LRMDA: variants seen among roughly 807,000 people sequenced by gnomAD.
LRMDA encodes the protein leucine rich melanocyte differentiation associated, also known as leucine-rich melanocyte differentiation-associated protein.
In LRMDA, 18 loss-of-function variants were observed where a neutral mutation model predicts 29.8. The observed-to-expected ratio is 0.60, with a 90% CI of 0.42 to 0.90. The LOEUF is 0.90. Among genes scored for constraint, LRMDA ranks in the 40% least tolerant of loss-of-function variants. The pLI, the probability that LRMDA is intolerant of heterozygous loss-of-function variation, is 0.00. For missense variants in LRMDA, 273 were observed against 273.9 expected, an observed-to-expected ratio of 1.00 and a Z score of 0.02; for synonymous variants, 125 against 109.4, an observed-to-expected ratio of 1.14 and a Z score of -0.89.
At chr10:75,522,004 T>C (rs1005249807) in intron 2 of LRMDA, among the ~76,000 whole-genome samples, 2 of 152,270 alleles carry the variant, frequency 1.3e-5, no homozygotes, top group Admixed American at 6.5e-5. Flanking sequence ...TTCTTTGATC[T>C]GTTCACTTTG....
At chr10:76,447,068 C>T (rs187492782) in intron 6 of LRMDA, among the ~76,000 whole-genome samples, 3 of 145,288 alleles carry the variant, frequency 2.1e-5, no homozygotes, top group Admixed American at 1.4e-4. Flanking sequence ...TTTTTTTTAA[C>T]CTCATTATGT....
At chr10:76,201,561 T>C (rs1019206808) in intron 5 of LRMDA, among the ~76,000 whole-genome samples, 16 of 152,342 alleles carry the variant, frequency 1.1e-4, no homozygotes, top group African/African-American at 3.8e-4. Context: ...ATGCCATAAT[T>C]GTTATAGTGT....
At chr10:75,812,657 A>G (rs1315174331) in intron 2 of LRMDA, among the ~76,000 whole-genome samples, 1 of 152,214 alleles carries the variant, frequency 6.6e-6, no homozygotes, top group Non-Finnish European at 1.5e-5. Flanking sequence ...GAGATTATTG[A>G]CAGAGCTTCT....
chr10:76,048,991 G>T (rs1848487629), intron 4 of LRMDA, among the ~76,000 whole-genome samples: 1 of 152,152 alleles, frequency 6.6e-6, no homozygotes, highest in Non-Finnish European at 1.5e-5. Flanking sequence ...ATAGGGAGAT[G>T]CAGGGATCTT....
intron 5 of LRMDA, among the ~76,000 whole-genome samples, chr10:76,263,580 C>A (rs778691624): frequency 1.3e-5 from 2 of 152,102 alleles, no homozygotes; most frequent in Non-Finnish European, 2.9e-5. Flanking sequence ...GAAGTTTTGT[C>A]CCCTTGGACT....
intron 3 of LRMDA, among the ~76,000 whole-genome samples, chr10:76,041,139 T>A (rs1848332405): frequency 6.6e-6 from 1 of 152,238 alleles, no homozygotes; most frequent in Admixed American, 6.5e-5. Context: ...ATCACTTTGT[T>A]AAAGACTTTA....
In LRMDA at chr10:76,559,727, C is replaced by A. The variant is rs1291446936; in HGVS notation, c.*2439C>A. The A allele has an allele frequency of 1.3e-5, 2 of 152,172 alleles. No homozygotes were observed. Among genetic ancestry groups the A allele is most frequent in the East Asian group, 3.8e-4 (2 of 5,196 alleles). The allele number at this position is 152,172 out of a possible 1,614,324, so 9.4% of individuals were successfully genotyped here. ...TCAGGGCCCAGACATGTTTTGTACC[C>A]CCTTTACCCTTTGGTCTTTCTTCCT... is the stretch of plus-strand genomic sequence containing the variant. On this transcript the variant is annotated 3_prime_UTR_variant, in exon 7 of 7. Coordinates refer to ENST00000611255, the MANE Select transcript of LRMDA (RefSeq NM_001305581.2).
chr10:75,958,761 G>A (rs1846709123), intron 2 of LRMDA, among the ~76,000 whole-genome samples: 1 of 152,156 alleles, frequency 6.6e-6, no homozygotes, highest in East Asian at 1.9e-4. Flanking sequence ...AGACATACCC[G>A]AGACTCGGTA....
At chr10:75,475,048 C>T (rs578115693) in intron 2 of LRMDA, among the ~76,000 whole-genome samples, 2 of 152,306 alleles carry the variant, frequency 1.3e-5, no homozygotes, top group African/African-American at 4.8e-5. Flanking sequence ...AAATGTTTCT[C>T]TTGAGAAACA....
At chr10:76,449,440 T>C (rs1842384657) in intron 6 of LRMDA, among the ~76,000 whole-genome samples, 6 of 151,938 alleles carry the variant, frequency 3.9e-5, no homozygotes. Flanking sequence ...ATATTGTTGC[T>C]ATCATTGTTT....
At chr10:75,821,309 G>A (rs1844153483) in intron 2 of LRMDA, among the ~76,000 whole-genome samples, 2 of 152,264 alleles carry the variant, frequency 1.3e-5, no homozygotes, top group African/African-American at 4.8e-5. Context: ...AAAAAAGATA[G>A]TATACTGTGA....
chr10:75,928,756 G>A (rs1306970795), intron 2 of LRMDA, among the ~76,000 whole-genome samples: 1 of 152,110 alleles, frequency 6.6e-6, no homozygotes, highest in Non-Finnish European at 1.5e-5. Flanking sequence ...GGCACTGGGT[G>A]GCATGCTCCA....
intron 5 of LRMDA, among the ~76,000 whole-genome samples, chr10:76,268,851 G>C (rs923426671): frequency 5.3e-5 from 8 of 151,986 alleles, no homozygotes. Flanking sequence ...TCTCTCCTGT[G>C]TTTTCTCTGA....
At chr10:75,949,464 G>A (rs771237617) in intron 2 of LRMDA, among the ~76,000 whole-genome samples, 11 of 152,188 alleles carry the variant, frequency 7.2e-5, no homozygotes, top group Non-Finnish European at 1.0e-4. Flanking sequence ...AAAGAGCAGC[G>A]TGCAGGTTCT....
chr10:76,127,410 C>T lies in LRMDA; in HGVS notation c.516+68627C>T, dbSNP rs11596394. 9.1e-3 allele frequency among the ~76,000 whole-genome samples: 1,388 copies of T among 152,320 alleles called. 9 individuals are homozygous for T. Among genetic ancestry groups the T allele is most frequent in the Non-Finnish European group, 0.015 (989 of 68,042 alleles). ...AATATACTGGCTGCAGCACATCACC[C>T]TACAGATGCATGGCAGGGCACTTCT... On this transcript the variant is annotated intron_variant, in intron 5 of 6. Coordinates refer to ENST00000611255, the MANE Select transcript of LRMDA (RefSeq NM_001305581.2).
chr10:76,002,918 G>T (rs1054072453), intron 2 of LRMDA, among the ~76,000 whole-genome samples: 3 of 152,334 alleles, frequency 2.0e-5, no homozygotes, highest in Middle Eastern at 3.4e-3. Flanking sequence ...AAGTTGGGAA[G>T]ACTCAGCTTG....
intron 6 of LRMDA, among the ~76,000 whole-genome samples, chr10:76,354,249 T>C (rs1841212650): frequency 6.6e-6 from 1 of 152,092 alleles, no homozygotes. Flanking sequence ...CAAAGGAGAA[T>C]CTGAGTGTCA....
chr10:75,779,133 A>G (rs1448464944), intron 2 of LRMDA, among the ~76,000 whole-genome samples: 1 of 152,162 alleles, frequency 6.6e-6, no homozygotes, highest in African/African-American at 2.4e-5. Context: ...GAGCTGAGAA[A>G]TTTTTACACA....
At chr10:76,040,738 T>G (rs890769380) in intron 3 of LRMDA, among the ~76,000 whole-genome samples, 1 of 152,226 alleles carries the variant, frequency 6.6e-6, no homozygotes, top group African/African-American at 2.4e-5. Flanking sequence ...TAGATAACCT[T>G]TGCGCAATCA....
Sources: gnomAD v4.1 joint callset for allele counts (sites outside exome capture counted in the v4.1 genomes callset) on GRCh38, gnomAD v4.1.1 for gene constraint, MANE v1.5 for transcripts, NCBI Gene and HGNC (gene_info 2026-07-23, HGNC 2026-07-21) for gene names.